The following INPP5A variants were observed in gnomAD, a reference collection of about 807,000 sequenced individuals.
INPP5A encodes the protein 43 kDa inositol polyphosphate 5-phophatase.
A neutral mutation model predicts 65.2 loss-of-function variants in INPP5A; 14 were observed. That is an observed-to-expected ratio of 0.21 (90% confidence interval 0.14 to 0.34). INPP5A has a LOEUF of 0.34. Ranked by LOEUF, INPP5A falls within the 10% of genes least tolerant of loss-of-function variation. The pLI is 1.00. For synonymous variants in INPP5A, 207 were observed against 208.3 expected, an observed-to-expected ratio of 0.99 and a Z score of 0.05; for missense variants, 431 against 545.6, an observed-to-expected ratio of 0.79 and a Z score of 2.09.
At chr10:132,735,634 C>T (rs1453211077) in intron 9 of INPP5A, among the ~76,000 whole-genome samples, 4 of 152,254 alleles carry the variant, frequency 2.6e-5, no homozygotes, top group Admixed American at 2.0e-4. Flanking sequence ...GCTCTCACTG[C>T]CGACCGCGTT....
At chr10:132,701,473 C>T (rs1249530222) in intron 6 of INPP5A, among the ~76,000 whole-genome samples, 2 of 152,036 alleles carry the variant, frequency 1.3e-5, no homozygotes, top group East Asian at 1.9e-4. Flanking sequence ...CCTGGCCATA[C>T]ACCCTCTGCC....
At chr10:132,742,104 G>A (rs1053183698) in intron 9 of INPP5A, among the ~76,000 whole-genome samples, 1 of 152,232 alleles carries the variant, frequency 6.6e-6, no homozygotes, top group African/African-American at 2.4e-5. Flanking sequence ...CTTACTACCA[G>A]ATAGAGCTCA....
In INPP5A at chr10:132,575,765, G is replaced by A. The variant is rs979626221; in HGVS notation, c.76-32150G>A. ...TGTCCCTCTGGCCGTGGGCTCCCGCGTGGTGTGTGCGGCCCAGGGCCCTGG... is the reference window on the plus strand; with the variant it reads ...TGTCCCTCTGGCCGTGGGCTCCCGCATGGTGTGTGCGGCCCAGGGCCCTGG... On this transcript the variant is annotated intron_variant, in intron 1 of 15. Transcript: ENST00000368594. The surrounding 1 kb of genome is among the most constrained non-coding windows in gnomAD (Gnocchi z 5.4). Among the ~76,000 whole-genome samples the A allele has an allele frequency of 2.0e-5, 3 of 152,168 alleles. No homozygotes were observed. Among genetic ancestry groups the A allele is most frequent in the Non-Finnish European group, 4.4e-5 (3 of 68,030 alleles).
At chr10:132,680,353 G>A (rs374739684) in intron 4 of INPP5A, among the ~76,000 whole-genome samples, 117 of 152,320 alleles carry the variant, frequency 7.7e-4, no homozygotes, top group African/African-American at 2.6e-3. Context: ...ACGAAAAAGC[G>A]CCCAGCTCCA....
chr10:132,558,968 C>T (rs1349527413), intron 1 of INPP5A, among the ~76,000 whole-genome samples: 2 of 152,226 alleles, frequency 1.3e-5, no homozygotes, highest in Admixed American at 6.5e-5. Flanking sequence ...CCTGGTCGAG[C>T]CCAGCCAGCT....
intron 12 of INPP5A, among the ~76,000 whole-genome samples, chr10:132,775,436 A>T (rs1305457644): frequency 1.3e-5 from 2 of 152,056 alleles, no homozygotes; most frequent in African/African-American, 4.8e-5. Context: ...GCTGCTCTGC[A>T]GCGTGGCCCC....
chr10:132,675,705 G>A lies in INPP5A; in HGVS notation c.307-14687G>A, dbSNP rs2072954389. On this transcript the variant is annotated intron_variant, in intron 4 of 15. Coordinates refer to ENST00000368594, the MANE Select transcript of INPP5A (RefSeq NM_005539.5). This position sits in a 1 kb window ranked among gnomAD's most constrained non-coding sequence, Gnocchi z 4.2. ...ATACTGCTGTTTTAGCATTTCTGGG[G>A]ACCGGGAACTAAGGTAAATTATTTG... is the stretch of plus-strand genomic sequence containing the variant. Among the ~76,000 whole-genome samples, 1 of 152,196 alleles carries A rather than the reference G, an allele frequency of 6.6e-6. No homozygotes were observed. Among genetic ancestry groups the A allele is most frequent in the African/African-American group, 2.4e-5 (1 of 41,434 alleles).
At chr10:132,723,316 G>A (rs994173922) in intron 8 of INPP5A, among the ~76,000 whole-genome samples, 5 of 152,244 alleles carry the variant, frequency 3.3e-5, no homozygotes, top group South Asian at 2.1e-4. Flanking sequence ...CCGGGAGGCC[G>A]CATTTCCTCT....
At position 132,697,802 on chromosome 10, in the gene INPP5A, C is replaced by G. The variant is rs773409413; in HGVS notation, c.371-14C>G. The stretch of plus-strand genomic sequence containing the variant: ...GTGATGGGATAGTCACCTCGTCCTT[C>G]TGGTCTCTTCCAGCTAAGAAGTATA... On this transcript the variant is annotated splice_polypyrimidine_tract_variant and intron_variant, in intron 5 of 15. Coordinates refer to ENST00000368594, the MANE Select transcript of INPP5A (RefSeq NM_005539.5). This position sits in a 1 kb window ranked among gnomAD's most constrained non-coding sequence, Gnocchi z 5.6. 6 of 1,568,912 alleles carry G rather than the reference C, an allele frequency of 3.8e-6. No individual in the cohort carries two copies. The South Asian group carries it at 6.7e-5, about 18-fold the overall frequency.
intron 2 of INPP5A, among the ~76,000 whole-genome samples, chr10:132,619,963 C>T (rs1388634362): frequency 6.6e-6 from 1 of 152,244 alleles, no homozygotes; most frequent in African/African-American, 2.4e-5. Flanking sequence ...ATTCTTCACT[C>T]TTGCATTCTG....
intron 2 of INPP5A, among the ~76,000 whole-genome samples, chr10:132,609,878 C>T (rs1212145027): frequency 1.3e-5 from 2 of 152,198 alleles, no homozygotes; most frequent in Non-Finnish European, 2.9e-5. Context: ...CTGACCTCAG[C>T]TGATCTGCCT....
At chr10:132,672,827 CTGGTATTGA>C (rs1343037274) in intron 4 of INPP5A, among the ~76,000 whole-genome samples, 3 of 152,220 alleles carry the variant, frequency 2.0e-5, no homozygotes, top group African/African-American at 7.2e-5. Context: ...CCCCACTCCC[CTGGTATTGA>C]TGACTGCCTT....
chr10:132,746,530 C>G (rs1846374975), intron 9 of INPP5A, among the ~76,000 whole-genome samples: 1 of 152,222 alleles, frequency 6.6e-6, no homozygotes, highest in Admixed American at 6.5e-5. Context: ...CACCTGTGCC[C>G]TGGGCCTGTG....
At chr10:132,629,045 G>A (rs550308451) in intron 2 of INPP5A, among the ~76,000 whole-genome samples, 2 of 152,252 alleles carry the variant, frequency 1.3e-5, no homozygotes, top group Non-Finnish European at 2.9e-5. Context: ...TGGCAGGAGC[G>A]AGGGGAGGTG....
At chr10:132,609,361 T>A (rs2071909600) in intron 2 of INPP5A, among the ~76,000 whole-genome samples, 1 of 152,194 alleles carries the variant, frequency 6.6e-6, no homozygotes, top group South Asian at 2.1e-4. Flanking sequence ...TCTCTGTCCT[T>A]TATGTCAACC....
At chr10:132,624,871 G>A (rs964591440) in intron 2 of INPP5A, among the ~76,000 whole-genome samples, 5 of 148,058 alleles carry the variant, frequency 3.4e-5, no homozygotes, top group African/African-American at 1.0e-4. Context: ...GCTCCATGCC[G>A]CCGGTGCCAG....
intron 1 of INPP5A, among the ~76,000 whole-genome samples, chr10:132,539,695 C>T (rs1291198326): frequency 2.0e-5 from 3 of 150,860 alleles, no homozygotes; most frequent in African/African-American, 7.3e-5. Context: ...CTCCCTCCCT[C>T]CCTCCCTCCC....
At chr10:132,730,335 G>A (rs766383239) in intron 9 of INPP5A, among the ~76,000 whole-genome samples, 27 of 152,370 alleles carry the variant, frequency 1.8e-4, no homozygotes, top group Admixed American at 7.8e-4. Context: ...CCGGGGCCAC[G>A]TGGGCGAGTC....
chr10:132,643,458 C>G (rs1590889160), intron 2 of INPP5A, among the ~76,000 whole-genome samples: 1 of 152,154 alleles, frequency 6.6e-6, no homozygotes, highest in East Asian at 1.9e-4. Context: ...TATGATCACA[C>G]TACTGTACTC....
Sources: gnomAD v4.1 joint callset for allele counts (sites outside exome capture counted in the v4.1 genomes callset) on GRCh38, gnomAD v4.1.1 for gene constraint, Gnocchi (gnomAD v3.1) non-coding constraint, MANE v1.5 for transcripts, NCBI Gene and HGNC (gene_info 2026-07-23, HGNC 2026-07-21) for gene names.